SRMS: variants seen among roughly 807,000 people sequenced by gnomAD.
SRMS encodes src-related kinase lacking C-terminal regulatory tyrosine and N-terminal myristylation sites.
SRMS carries 42 observed loss-of-function variants against 43.5 expected under a neutral mutation model. The observed-to-expected ratio is 0.97, with a 90% confidence interval of 0.75 to 1.25. SRMS has a LOEUF of 1.25. Among genes scored for constraint, SRMS ranks in the 50% most tolerant of loss-of-function variants. SRMS has a pLI of 0.00. For synonymous variants in SRMS, 316 were observed against 308.2 expected (o/e 1.03, Z -0.27); for missense variants, 703 against 681.0 (o/e 1.03, Z -0.36).
At chr20:63,541,939 C>T (rs958465231) in intron 5 of SRMS, among the ~76,000 whole-genome samples, 2 of 152,186 alleles carry the variant, frequency 1.3e-5, no homozygotes, top group Admixed American at 6.5e-5. Context: ...CCCCCGAACA[C>T]CAGCTCCAGC....
intron 2 of SRMS, 139 bp from the exon 3 acceptor site, chr20:63,543,619 G>A: frequency 2.8e-6 from 3 of 1,058,858 alleles, no homozygotes; most frequent in Non-Finnish European, 4.0e-6. Flanking sequence ...TCAGAGCTGT[G>A]TGGAGGAGGG....
rs1385328991 is a variant in SRMS at position 63,538,740 on chromosome 20, A to C, written c.*2078T>G. ...GAGGGGTGGGGGGTGGGGAATGCGG[A>C]AGGAGGGTGCCGGGGCACCTGGCCG... On this transcript the variant is annotated 3_prime_UTR_variant, in exon 8 of 8. Transcript: ENST00000217188. Among the ~76,000 whole-genome samples the C allele has an allele frequency of 6.6e-6, 1 of 150,824 alleles. No individual in the cohort carries two copies. Among genetic ancestry groups the C allele is most frequent in the Non-Finnish European group, 1.5e-5 (1 of 67,604 alleles).
intron 2 of SRMS, chr20:63,543,827 AAAG>A: frequency 2.6e-6 from 1 of 378,220 alleles, no homozygotes; most frequent in Non-Finnish European, 4.8e-6. Context: ...CAAATGAGTG[AAAG>A]AATAAGCTAG....
chr20:63,546,235 G>T (rs1441024295), intron 1 of SRMS, among the ~76,000 whole-genome samples: 1 of 152,146 alleles, frequency 6.6e-6, no homozygotes, highest in African/African-American at 2.4e-5. Flanking sequence ...CAGGTGTGGG[G>T]TGAGGGCCTG....
rs2145985094 is a variant in SRMS at position 63,544,138 on chromosome 20, G to C, written c.478+89C>G. 4 of 1,332,758 alleles carry C rather than the reference G, an allele frequency of 3.0e-6. 1 individual carries two copies. In the East Asian group the frequency reaches 1.2e-4, roughly 42 times the overall value. The allele number at this position is 1,332,758 out of a possible 1,614,324, so 82.6% of individuals were successfully genotyped here. On this transcript the variant is annotated intron_variant, in intron 2 of 7. Transcript: ENST00000217188. The stretch of plus-strand genomic sequence containing the variant: ...CTCAGTGGCGCCGGGTGTGAATCAG[G>C]AGCCAGCACTGCCTAGAGACCAACC...
At chr20:63,546,958 C>T in intron 1 of SRMS, 150 bp downstream of exon 1, 1 of 741,678 alleles carries the variant, frequency 1.3e-6, no homozygotes, top group Non-Finnish European at 2.0e-6. Flanking sequence ...GGCCCGGGGC[C>T]CATCAGCTGT....
In SRMS at chr20:63,541,265, G is replaced by C; in HGVS notation, c.1211C>G (p.Ser404Cys). ...GAAGGACCAGACGTCTGACTTCTGG[G>C]AGAAGACACGATAATTGGCCGCCTC... is the stretch of plus-strand genomic sequence containing the variant. ...APEAANYRVF[S>C]QKSDVWSFGV... Residue 404 changes from serine to cysteine, a missense_variant, in exon 7 of 8, where the codon TCC becomes TGC. Ser to Cys is a moderately radical substitution (Grantham distance 112, BLOSUM62 -1). Transcript: ENST00000217188. 6.4e-7 allele frequency: 1 copy of C among 1,568,804 alleles called. No individual in the cohort carries two copies. The highest frequency in any genetic ancestry group is 2.0e-5 in the Admixed American group (1 of 49,320).
rs1371892314 is a variant in SRMS, at chr20:63,547,475, A to C, written c.-12T>G. 15 of 1,473,780 alleles carry C rather than the reference A, an allele frequency of 1.0e-5. No homozygotes were observed. In the South Asian group the frequency reaches 2.1e-4, roughly 20 times the overall value. 91.3% of individuals were successfully genotyped at this position (1,473,780 alleles called of 1,614,324 possible). A position where few individuals can be genotyped will look rare whatever the true frequency, so the allele number is the denominator to read the frequency against. ...AGGAACGGCTCCATCCCCCGGGGTC[A>C]CCACGCTGGGCCCGAGGGCCATGGG... On this transcript the variant is annotated 5_prime_UTR_variant, in exon 1 of 8. Coordinates refer to ENST00000217188, the MANE Select transcript of SRMS (RefSeq NM_080823.4).
chr20:63,542,674 C>A (rs781447013), intron 3 of SRMS, 93 bp from the exon 4 acceptor site: 1 of 1,427,822 alleles, frequency 7.0e-7, no homozygotes. Flanking sequence ...GGCGGGCACC[C>A]CTGTCCCCAG....
chr20:63,547,278 G>T lies in SRMS; in HGVS notation c.186C>A (p.Phe62Leu), dbSNP rs1439889657. ...TCAGCTCCCCGCCACACCGCGCCGT[G>T]AAGTCATAGAGCGCAAGGAAGAGCT... ...FPQLFLALYD[F>L]TARCGGELSV... Residue 62 changes from phenylalanine (F) to leucine (L), a missense_variant, in exon 1 of 8, where the codon TTC (phenylalanine) becomes TTA (leucine). By Grantham distance (22) the Phe-to-Leu change is conservative. Coordinates refer to ENST00000217188, the MANE Select transcript of SRMS (RefSeq NM_080823.4). The T allele has an allele frequency of 6.2e-7, 1 of 1,610,008 alleles. No individual in the cohort carries two copies. The highest frequency in any genetic ancestry group is 1.7e-5 in the Admixed American group (1 of 59,750).
chr20:63,540,101 G>T lies in SRMS; in HGVS notation c.*717C>A, dbSNP rs2082694661. 6.6e-6 allele frequency among the ~76,000 whole-genome samples: 1 copy of T among 152,214 alleles called. No individual in the cohort carries two copies. The highest frequency in any genetic ancestry group is 1.5e-5 in the Non-Finnish European group (1 of 68,034). Reference sequence around the variant, plus strand: ...CAGCTCCTGGGTCTGGGTTTGGGGGGCTGAGCCTGTGTGTGATGTGCGCCT... The same window carrying T: ...CAGCTCCTGGGTCTGGGTTTGGGGGTCTGAGCCTGTGTGTGATGTGCGCCT... On this transcript the variant is annotated 3_prime_UTR_variant, in exon 8 of 8. Coordinates refer to ENST00000217188, the MANE Select transcript of SRMS (RefSeq NM_080823.4).
chr20:63,540,508 C>T lies in SRMS; in HGVS notation c.*310G>A, dbSNP rs1251291764. Among the ~76,000 whole-genome samples the T allele has an allele frequency of 6.6e-6, 1 of 152,144 alleles. No homozygotes were observed. The highest frequency in any genetic ancestry group is 1.5e-5 in the Non-Finnish European group (1 of 68,018). ...CACACTGCACGGGGAACGTCAGCCC[C>T]AGCCCTCCGTCTGCACGAGTCACAC... On this transcript the variant is annotated 3_prime_UTR_variant, in exon 8 of 8. Transcript: ENST00000217188.
chr20:63,544,757 C>T (rs954067575), intron 1 of SRMS, among the ~76,000 whole-genome samples: 3 of 152,224 alleles, frequency 2.0e-5, no homozygotes, highest in African/African-American at 7.2e-5. Context: ...GCTGGGCTGT[C>T]GTGGCTGTAC....
Position 63,540,663 on chromosome 20 carries a change from G to T in SRMS, c.*155C>A. ...GTCAGCCCCAGCCCTCCGTCTGCAC[G>T]TCTGCCTGGTGCACGAACATGTGTG... On this transcript the variant is annotated 3_prime_UTR_variant, in exon 8 of 8. Transcript: ENST00000217188. 2.1e-6 allele frequency: 2 copies of T among 959,270 alleles called. No individual in the cohort carries two copies. Among genetic ancestry groups the T allele is most frequent in the Non-Finnish European group, 3.0e-6 (2 of 664,356 alleles). The allele number at this position is 959,270 out of a possible 1,614,324, so 59.4% of individuals were successfully genotyped here.
chr20:63,542,081 C>T (rs2082707417), intron 5 of SRMS, 82 bp downstream of exon 5: 2 of 1,528,964 alleles, frequency 1.3e-6, no homozygotes, highest in Admixed American at 1.9e-5. Flanking sequence ...CCTCGGAAAC[C>T]CCGCAGGTTC....
At position 63,547,238 on chromosome 20, in the gene SRMS, CCCCGCGGCGGACA is replaced by C; in HGVS notation, c.213_225del (p.Ser71ArgfsTer129). The C allele has an allele frequency of 6.2e-7, 1 of 1,611,244 alleles. No homozygotes were observed. Among genetic ancestry groups the C allele is most frequent in the South Asian group, 1.1e-5 (1 of 90,948 alleles). On this transcript the variant is annotated frameshift_variant, in exon 1 of 8. Coordinates refer to ENST00000217188, the MANE Select transcript of SRMS (RefSeq NM_080823.4). LOFTEE classifies it high-confidence loss of function. The stretch of plus-strand genomic sequence containing the variant: ...CCCTCTTCGAGGGCACAGAGCCTGT[CCCCGCGGCGGACA>C]CTCAGCTCCCCGCCACACCGCGCCG...
At position 63,539,030 on chromosome 20, in the gene SRMS, C is replaced by T. The variant is rs1366198553; in HGVS notation, c.*1788G>A. ...GCTGCAGAGAGCACAGAGGGCGAGG[C>T]CTTCTGTGCCAGAGGAGCCCCCAGG... On this transcript the variant is annotated 3_prime_UTR_variant, in exon 8 of 8. Transcript: ENST00000217188. Among the ~76,000 whole-genome samples, 1 of 152,134 alleles carries T rather than the reference C, an allele frequency of 6.6e-6. No homozygotes were observed. Among genetic ancestry groups the T allele is most frequent in the Non-Finnish European group, 1.5e-5 (1 of 67,992 alleles).
In SRMS at chr20:63,538,728, T is replaced by TGGGGGGGGGGGGGGGGGGGGGGGG. The variant is rs2082686699; in HGVS notation, c.*2089_*2090insCCCCCCCCCCCCCCCCCCCCCCCC. ...AGGATGCAGGGGGAGGGGTGGGGGG[T>TGGGGGGGGGGGGGGGGGGGGGGGG]GGGGAATGCGGAAGGAGGGTGCCGG... On this transcript the variant is annotated 3_prime_UTR_variant, in exon 8 of 8. Transcript: ENST00000217188. Among the ~76,000 whole-genome samples, 1 of 52,050 alleles carries TGGGGGGGGGGGGGGGGGGGGGGGG rather than the reference T, an allele frequency of 1.9e-5. No individual in the cohort carries two copies. The highest frequency in any genetic ancestry group is 3.8e-5 in the Non-Finnish European group (1 of 26,164). 34.1% of individuals were successfully genotyped at this position (52,050 alleles called of 152,430 possible). A position where few individuals can be genotyped will look rare whatever the true frequency, so the allele number is the denominator to read the frequency against.
intron 4 of SRMS, 54 bp from the exon 5 acceptor site, chr20:63,542,375 C>G: frequency 6.3e-7 from 1 of 1,598,272 alleles, no homozygotes; most frequent in Non-Finnish European, 8.6e-7. Context: ...CATCACTGCC[C>G]TGGGGCTTGA....
Sources: gnomAD v4.1 joint callset for allele counts (sites outside exome capture counted in the v4.1 genomes callset) on GRCh38, gnomAD v4.1.1 for gene constraint, MANE v1.5 for transcripts, NCBI Gene and HGNC (gene_info 2026-07-23, HGNC 2026-07-21) for gene names.